The following TMEM266 variants were observed in gnomAD, a reference collection of about 807,000 sequenced individuals.
The protein encoded by TMEM266 is transmembrane protein 266, also known as Hv1 related protein 1.
TMEM266 carries 33 observed loss-of-function variants against 50.5 expected under a neutral mutation model. That is an observed-to-expected ratio of 0.65 (90% confidence interval 0.50 to 0.87). TMEM266 has a LOEUF of 0.87. Ranked by LOEUF, TMEM266 falls within the 40% of genes least tolerant of loss-of-function variation. The pLI, the probability that TMEM266 is intolerant of heterozygous loss-of-function variation, is 0.00. For missense variants in TMEM266, 655 were observed against 695.1 expected, an observed-to-expected ratio of 0.94 and a Z score of 0.65; for synonymous variants, 310 against 292.3, an observed-to-expected ratio of 1.06 and a Z score of -0.62.
intron 5 of TMEM266, among the ~76,000 whole-genome samples, chr15:76,169,407 T>C (rs1187719223): frequency 2.0e-5 from 3 of 151,426 alleles, no homozygotes; most frequent in Non-Finnish European, 2.9e-5. Flanking sequence ...GAGAGAGAGC[T>C]TGTATATTTG....
chr15:76,200,822 C>T (rs1358928947), intron 9 of TMEM266, among the ~76,000 whole-genome samples: 4 of 152,184 alleles, frequency 2.6e-5, no homozygotes, highest in Non-Finnish European at 4.4e-5. Flanking sequence ...GGAGCCAGCC[C>T]GGGGCCCTCC....
Position 76,203,838 on chromosome 15 carries a change from G to A in TMEM266, c.1119G>A (p.Met373Ile). 6.2e-7 allele frequency: 1 copy of A among 1,614,204 alleles called. No individual in the cohort carries two copies. The highest frequency in any genetic ancestry group is 2.2e-5 in the East Asian group (1 of 44,876). Residue 373 changes from methionine to isoleucine, a missense_variant, in exon 11 of 11, where the codon ATG becomes ATA. Around this residue, in one of 3 missense-constraint regions of TMEM266, gnomAD observed 455 missense variants for 401.8 expected, o/e 1.13. Coordinates refer to ENST00000388942, the MANE Select transcript of TMEM266 (RefSeq NM_152335.3). ...CCTCGGACCTCTTCTCTCTGGACAT[G>A]CCCCTCAAACTCGGCGGTAATGGCA... is the stretch of plus-strand genomic sequence containing the variant.
intron 8 of TMEM266, among the ~76,000 whole-genome samples, chr15:76,188,027 C>T (rs2038514658): frequency 6.6e-6 from 1 of 152,086 alleles, no homozygotes; most frequent in Non-Finnish European, 1.5e-5. Flanking sequence ...GTGCACATTT[C>T]CCCCAGGGCG....
At chr15:76,186,124 A>G (rs1424053457) in intron 8 of TMEM266, among the ~76,000 whole-genome samples, 1 of 152,126 alleles carries the variant, frequency 6.6e-6, no homozygotes, top group African/African-American at 2.4e-5. Flanking sequence ...CCCTGGCTCA[A>G]GGTCTTGGGG....
chr15:76,203,141 A>C (rs2038776482), intron 10 of TMEM266, among the ~76,000 whole-genome samples: 1 of 151,946 alleles, frequency 6.6e-6, no homozygotes, highest in African/African-American at 2.4e-5. Context: ...GATGCATGCT[A>C]AGCAGGCTCT....
At chr15:76,084,596 T>G (rs111994273) in intron 1 of TMEM266, among the ~76,000 whole-genome samples, 9 of 147,826 alleles carry the variant, frequency 6.1e-5, no homozygotes, top group African/African-American at 7.9e-5. Flanking sequence ...GGGTTTTTTT[T>G]GGTTTTTTTT....
intron 9 of TMEM266, among the ~76,000 whole-genome samples, chr15:76,192,735 G>A (rs2038600059): frequency 6.6e-6 from 1 of 152,234 alleles, no homozygotes; most frequent in Non-Finnish European, 1.5e-5. Context: ...ATGGAAGGGA[G>A]TTATTTCGAG....
At chr15:76,174,735 T>C (rs1301893725) in intron 7 of TMEM266, among the ~76,000 whole-genome samples, 1 of 152,214 alleles carries the variant, frequency 6.6e-6, no homozygotes, top group African/African-American at 2.4e-5. Context: ...GAGTTGCCTG[T>C]TCTGTTCCAT....
intron 1 of TMEM266, among the ~76,000 whole-genome samples, chr15:76,114,477 C>T (rs903639537): frequency 6.6e-6 from 1 of 152,158 alleles, no homozygotes; most frequent in Non-Finnish European, 1.5e-5. Flanking sequence ...CAAGATTGCA[C>T]ACTGCACTTC....
chr15:76,109,355 C>T (rs2037132357), intron 1 of TMEM266, among the ~76,000 whole-genome samples: 1 of 152,260 alleles, frequency 6.6e-6, no homozygotes, highest in South Asian at 2.1e-4. Flanking sequence ...AAGCAAGAAG[C>T]CAGGCCCAAC....
chr15:76,116,961 A>G (rs1297403892), intron 1 of TMEM266, among the ~76,000 whole-genome samples: 20 of 144,160 alleles, frequency 1.4e-4, no homozygotes, highest in East Asian at 1.0e-3. Flanking sequence ...GTGCAGTGGC[A>G]TGATCTCGGC....
chr15:76,106,818 T>C lies in TMEM266; in HGVS notation c.-96-27350T>C, dbSNP rs141549159. Among the ~76,000 whole-genome samples, 366 of 152,330 alleles carry C rather than the reference T, an allele frequency of 2.4e-3. 2 individuals carry two copies. Among genetic ancestry groups the C allele is most frequent in the Middle Eastern group, 0.02 (6 of 294 alleles). ...AAGCTAATTATCATATGCATTTACC[T>C]CACATACTTATTTTGTGTGTGTGTG... On this transcript the variant is annotated intron_variant, in intron 1 of 10. Transcript: ENST00000388942.
rs375435442 is a variant in TMEM266, at chr15:76,066,159, C to A, written c.-97+6143C>A. Among the ~76,000 whole-genome samples the A allele has an allele frequency of 2.5e-3, 387 of 152,298 alleles. 3 individuals are homozygous for A. Among genetic ancestry groups the A allele is most frequent in the African/African-American group, 8.9e-3 (371 of 41,552 alleles). Reference sequence around the variant, plus strand: ...CACATAGTGGGAATTTAACTCATATCTTTTAACTGCCAAAACATTATGGTT... The same window carrying A: ...CACATAGTGGGAATTTAACTCATATATTTTAACTGCCAAAACATTATGGTT... On this transcript the variant is annotated intron_variant, in intron 1 of 10. Transcript: ENST00000388942.
At chr15:76,191,148 A>C (rs182072447) in intron 8 of TMEM266, among the ~76,000 whole-genome samples, 94 of 152,380 alleles carry the variant, frequency 6.2e-4, no homozygotes, top group Middle Eastern at 3.4e-3. Flanking sequence ...TTACAAGGCC[A>C]GGTTGCTGCC....
chr15:76,189,059 G>T (rs2038528864), intron 8 of TMEM266, among the ~76,000 whole-genome samples: 2 of 152,104 alleles, frequency 1.3e-5, no homozygotes, highest in Admixed American at 1.3e-4. Context: ...AATTAGCCGG[G>T]CATGTGCCTG....
At chr15:76,105,773 A>G (rs1184262282) in intron 1 of TMEM266, among the ~76,000 whole-genome samples, 2 of 152,206 alleles carry the variant, frequency 1.3e-5, no homozygotes, top group Non-Finnish European at 2.9e-5. Context: ...GCAGGGGCTC[A>G]GGAAATGTTT....
intron 5 of TMEM266, among the ~76,000 whole-genome samples, chr15:76,165,279 A>T (rs2038077872): frequency 6.6e-6 from 1 of 152,248 alleles, no homozygotes; most frequent in Non-Finnish European, 1.5e-5. Flanking sequence ...CAGGAGCAGA[A>T]GATGAGGGCA....
At chr15:76,120,344 G>T (rs1166217375) in intron 1 of TMEM266, among the ~76,000 whole-genome samples, 1 of 152,032 alleles carries the variant, frequency 6.6e-6, no homozygotes, top group Non-Finnish European at 1.5e-5. Flanking sequence ...CTGACTTGGG[G>T]GAGGGGGATT....
At chr15:76,084,596 TG>T (rs141937058) in intron 1 of TMEM266, among the ~76,000 whole-genome samples, 1 of 147,718 alleles carries the variant, frequency 6.8e-6, no homozygotes, top group Non-Finnish European at 1.5e-5. Flanking sequence ...GGGTTTTTTT[TG>T]GTTTTTTTTT....
Sources: gnomAD v4.1 joint callset for allele counts (sites outside exome capture counted in the v4.1 genomes callset) on GRCh38, gnomAD v4.1.1 for gene constraint, gnomAD v4.1.1 regional missense constraint, MANE v1.5 for transcripts, NCBI Gene and HGNC (gene_info 2026-07-23, HGNC 2026-07-21) for gene names.